The following CDH4 variants were observed in gnomAD, a reference collection of about 807,000 sequenced individuals.
The protein encoded by CDH4 is cadherin 4.
CDH4 carries 33 observed loss-of-function variants against 86.0 expected under a neutral mutation model. That is an observed-to-expected ratio of 0.38 (90% CI 0.29 to 0.51). The LOEUF (loss-of-function observed/expected upper bound fraction) is 0.51. Among genes scored for constraint, CDH4 ranks in the 20% least tolerant of loss-of-function variants. The pLI is 0.86. For missense variants in CDH4, 1,114 were observed against 1,307.4 expected (o/e 0.85, Z 2.28); for synonymous variants, 555 against 549.4 (o/e 1.01, Z -0.14).
chr20:61,604,472 C>T lies in CDH4; in HGVS notation c.170-139091C>T, dbSNP rs553584510. On this transcript the variant is annotated intron_variant, in intron 2 of 15. Transcript: ENST00000614565. ...GAAATGCTTCCTTGGCCTCTCCTTTCAGCATATTCCCAGGCGAGAGGCCAG... is the reference window on the plus strand; with the variant it reads ...GAAATGCTTCCTTGGCCTCTCCTTTTAGCATATTCCCAGGCGAGAGGCCAG... Among the ~76,000 whole-genome samples, 6 of 152,324 alleles carry T rather than the reference C, an allele frequency of 3.9e-5. No homozygotes were observed. In the South Asian group the frequency reaches 1.2e-3, roughly 32 times the overall value.
chr20:61,396,744 C>T (rs2186112), intron 2 of CDH4, among the ~76,000 whole-genome samples: 104,889 of 152,084 alleles, frequency 0.69, 36,915 homozygotes, highest in East Asian at 0.89. Flanking sequence ...CTTCTTCCTC[C>T]GTTCAATCAG....
intron 5 of CDH4, among the ~76,000 whole-genome samples, chr20:61,845,852 C>T (rs762931065): frequency 6.6e-6 from 1 of 152,206 alleles, no homozygotes; most frequent in Admixed American, 6.5e-5. Context: ...TCAGTGGCAC[C>T]GAACAGGGCC....
chr20:61,497,989 T>A (rs986286868), intron 2 of CDH4, among the ~76,000 whole-genome samples: 6 of 137,040 alleles, frequency 4.4e-5, no homozygotes, highest in African/African-American at 1.7e-4. Flanking sequence ...TTCTCACTCA[T>A]AGGTGGGAAT....
At chr20:61,363,730 G>T (rs1396350354) in intron 2 of CDH4, among the ~76,000 whole-genome samples, 2 of 152,186 alleles carry the variant, frequency 1.3e-5, no homozygotes, top group Non-Finnish European at 2.9e-5. Context: ...GAGCTCAGAG[G>T]TAGTCAAGAA....
intron 2 of CDH4, among the ~76,000 whole-genome samples, chr20:61,260,097 C>G (rs1436124389): frequency 1.3e-5 from 2 of 152,208 alleles, no homozygotes; most frequent in Non-Finnish European, 2.9e-5. Context: ...TCACATGCAG[C>G]CTCGTGCATT....
At chr20:61,805,354 C>G (rs1309320971) in intron 4 of CDH4, among the ~76,000 whole-genome samples, 1 of 152,232 alleles carries the variant, frequency 6.6e-6, no homozygotes, top group Non-Finnish European at 1.5e-5. Context: ...TGAGAAGTGG[C>G]CAGGATGGCC....
intron 9 of CDH4, among the ~76,000 whole-genome samples, chr20:61,920,765 CAG>C (rs1377926607): frequency 1.5e-5 from 2 of 135,920 alleles, no homozygotes; most frequent in South Asian, 4.9e-4. Flanking sequence ...CATGGTGTCA[CAG>C]TAATTGCATG....
At chr20:61,659,847 C>T (rs189712865) in intron 2 of CDH4, among the ~76,000 whole-genome samples, 167 of 152,338 alleles carry the variant, frequency 1.1e-3, no homozygotes, top group African/African-American at 3.7e-3. Context: ...CGGGCAGAGG[C>T]AGGGCTGCAG....
chr20:61,524,834 TCA>T (rs2085898816), intron 2 of CDH4, among the ~76,000 whole-genome samples: 2 of 152,198 alleles, frequency 1.3e-5, no homozygotes, highest in Admixed American at 6.5e-5. Context: ...CCATTCTCAT[TCA>T]TTAGATAATA....
intron 12 of CDH4, 24 bp from the exon 13 acceptor site, chr20:61,929,585 A>G (rs776556988): frequency 3.8e-6 from 6 of 1,576,576 alleles, no homozygotes; most frequent in Non-Finnish European, 5.2e-6. Flanking sequence ...CTCTGGTTGA[A>G]TGTTTACTGT....
At chr20:61,369,440 G>T (rs2084827889) in intron 2 of CDH4, among the ~76,000 whole-genome samples, 1 of 105,722 alleles carries the variant, frequency 9.5e-6, no homozygotes. Context: ...GACAGAGTGA[G>T]ACTCTGTCTC....
intron 3 of CDH4, among the ~76,000 whole-genome samples, chr20:61,771,095 C>T (rs2088771179): frequency 6.7e-6 from 1 of 149,854 alleles, no homozygotes; most frequent in African/African-American, 2.5e-5. Flanking sequence ...ACTGCAACCT[C>T]CACCTCCCGG....
intron 2 of CDH4, among the ~76,000 whole-genome samples, chr20:61,459,579 A>G (rs2085430459): frequency 6.6e-6 from 1 of 150,438 alleles, no homozygotes; most frequent in African/African-American, 2.4e-5. Context: ...CAACCAGTGC[A>G]AGAGAAGTGG....
At position 61,772,862 on chromosome 20, in the gene CDH4, T is replaced by C. The variant is rs113102201; in HGVS notation, c.397-141T>C. On this transcript the variant is annotated intron_variant, in intron 3 of 15. Transcript: ENST00000614565. ...TCCTTTCCCAGCGTTATCCCGCCCTTCCCGCTTAGCTCCTTGTCCCAGCGT... is the reference window on the plus strand; with the variant it reads ...TCCTTTCCCAGCGTTATCCCGCCCTCCCCGCTTAGCTCCTTGTCCCAGCGT... The C allele has an allele frequency of 3.4e-4, 195 of 579,798 alleles. No individual in the cohort carries two copies. In the African/African-American group the frequency reaches 3.4e-3, roughly 10 times the overall value. 35.9% of individuals were successfully genotyped at this position (579,798 alleles called of 1,614,324 possible).
intron 6 of CDH4, among the ~76,000 whole-genome samples, chr20:61,873,175 C>G (rs1021246487): frequency 2.0e-5 from 3 of 152,246 alleles, no homozygotes; most frequent in Admixed American, 2.0e-4. Flanking sequence ...TGTGCTCCAT[C>G]TGACGGAGTC....
chr20:61,401,448 G>A (rs1317274609), intron 2 of CDH4, among the ~76,000 whole-genome samples: 1 of 152,188 alleles, frequency 6.6e-6, no homozygotes, highest in Non-Finnish European at 1.5e-5. Flanking sequence ...CCATGGGGCT[G>A]TCATGAATGT....
At chr20:61,653,253 G>T (rs1377260324) in intron 2 of CDH4, among the ~76,000 whole-genome samples, 1 of 131,256 alleles carries the variant, frequency 7.6e-6, no homozygotes, top group African/African-American at 2.7e-5. Context: ...AGGGTTGGGG[G>T]TAAGGTCACA....
At chr20:61,826,079 C>G (rs1454692565) in intron 4 of CDH4, among the ~76,000 whole-genome samples, 2 of 152,154 alleles carry the variant, frequency 1.3e-5, no homozygotes, top group African/African-American at 2.4e-5. Flanking sequence ...CTTGACTCTT[C>G]CTGCAAGCCA....
intron 13 of CDH4, 118 bp from the exon 14 acceptor site, chr20:61,932,867 C>T: frequency 7.4e-7 from 1 of 1,354,916 alleles, no homozygotes; most frequent in Non-Finnish European, 1.0e-6. Context: ...CACACATGGG[C>T]ACAGTCATGC....
Sources: allele counts gnomAD v4.1 joint callset (sites outside exome capture counted in the v4.1 genomes callset), GRCh38; gene constraint gnomAD v4.1.1; transcripts MANE v1.5; gene names NCBI Gene and HGNC (gene_info 2026-07-23, HGNC 2026-07-21).